Variants in MMP26 observed in about 807,000 individuals in gnomAD.
The protein encoded by MMP26 is matrix metallopeptidase 26.
A neutral mutation model predicts 31.0 loss-of-function variants in MMP26; 33 were observed. That is an observed-to-expected ratio of 1.06 (90% CI 0.81 to 1.42). The LOEUF is 1.42. Among genes scored for constraint, MMP26 ranks in the 40% most tolerant of loss-of-function variants. The pLI, the probability that MMP26 is intolerant of heterozygous loss-of-function variation, is 0.00. For synonymous variants in MMP26, 122 were observed against 114.9 expected, an observed-to-expected ratio of 1.06 and a Z score of -0.40; for missense variants, 347 against 316.1, an observed-to-expected ratio of 1.10 and a Z score of -0.74.
rs75481742 is a variant in MMP26, at chr11:4,707,972, T to A, written c.-217+2927T>A. On this transcript the variant is annotated intron_variant, in intron 1 of 7. Coordinates refer to ENST00000380390, the MANE Select transcript of MMP26 (RefSeq NM_021801.5). ...TTCTGGTCTTTTCTTTAAATACTGC[T>A]GTTCCCCAGCACTCTGTCCTCAGAC... Among the ~76,000 whole-genome samples the A allele has an allele frequency of 2.6e-5, 4 of 152,340 alleles. No homozygotes were observed. The East Asian group carries it at 7.7e-4, about 29-fold the overall frequency.
At chr11:4,958,676 C>T (rs534426885) in intron 2 of MMP26, among the ~76,000 whole-genome samples, 1 of 152,098 alleles carries the variant, frequency 6.6e-6, no homozygotes, top group South Asian at 2.1e-4. Flanking sequence ...TTTTCTCTAA[C>T]TTACCATCTA....
chr11:4,784,714 T>G (rs1250972365), intron 2 of MMP26, among the ~76,000 whole-genome samples: 1 of 152,342 alleles, frequency 6.6e-6, no homozygotes, highest in Admixed American at 6.5e-5. Flanking sequence ...ACAGAGATGG[T>G]ACATTTGATT....
At chr11:4,935,891 G>A (rs1413501772) in intron 2 of MMP26, among the ~76,000 whole-genome samples, 21 of 145,004 alleles carry the variant, frequency 1.4e-4, no homozygotes, top group Admixed American at 7.0e-4. Flanking sequence ...ATTGATTTGC[G>A]TATATTGAAC....
chr11:4,859,937 C>G, intron 2 of MMP26: 2 of 471,006 alleles, frequency 4.2e-6, no homozygotes, highest in Non-Finnish European at 8.8e-6. Context: ...ACATCGAGCC[C>G]CAGTGTGAAG....
chr11:4,945,505 A>G (rs1371783950), intron 2 of MMP26: 3 of 153,548 alleles, frequency 2.0e-5, no homozygotes, highest in African/African-American at 4.8e-5. Flanking sequence ...AGAGACACTT[A>G]CACATTCAAT....
Position 4,989,828 on chromosome 11 carries a change from C to T in MMP26, c.280C>T (p.Pro94Ser), listed in dbSNP as rs1846968809. The stretch of plus-strand genomic sequence containing the variant: ...TGATGGGTCCGACACCTCCATCTCG[C>T]CAGGAAGATGCAAGTGGAATAAGCA... Reference protein sequence around the residue: ...VPDGSDTSISPGRCKWNKHTL... With the variant: ...VPDGSDTSISSGRCKWNKHTL... Residue 94 changes from proline to serine, a missense_variant, in exon 4 of 8, where the codon CCA becomes TCA. Pro to Ser is a moderately conservative substitution (Grantham distance 74). Coordinates refer to ENST00000380390, the MANE Select transcript of MMP26 (RefSeq NM_021801.5). 2 of 1,612,354 alleles carry T rather than the reference C, an allele frequency of 1.2e-6. No individual in the cohort carries two copies. The highest frequency in any genetic ancestry group is 1.7e-6 in the Non-Finnish European group (2 of 1,180,010).
chr11:4,862,857 C>A (rs955048950), intron 2 of MMP26, among the ~76,000 whole-genome samples: 1 of 152,044 alleles, frequency 6.6e-6, no homozygotes, highest in African/African-American at 2.4e-5. Context: ...AAATTTGGGC[C>A]CCTCCCTCCC....
intron 2 of MMP26, among the ~76,000 whole-genome samples, chr11:4,771,102 A>T (rs1293484332): frequency 6.6e-6 from 1 of 152,180 alleles, no homozygotes; most frequent in Non-Finnish European, 1.5e-5. Context: ...TGTCTAAAGA[A>T]GGGGTATCAG....
Position 4,991,303 on chromosome 11 carries a change from C to G in MMP26, c.470-68C>G, listed in dbSNP as rs576530234. ...CAGTATCCTAAGTCTCTGAGGCTTACTTAAGACTATTCTGGCCTTTGTTTC... is the reference window on the plus strand; with the variant it reads ...CAGTATCCTAAGTCTCTGAGGCTTAGTTAAGACTATTCTGGCCTTTGTTTC... On this transcript the variant is annotated intron_variant, in intron 5 of 7. Transcript: ENST00000380390. The G allele has an allele frequency of 9.7e-6, 15 of 1,548,818 alleles. No individual in the cohort carries two copies. In the African/African-American group the frequency reaches 2.0e-4, roughly 21 times the overall value.
chr11:4,882,581 C>T (rs149770343), intron 2 of MMP26: 1,171 of 1,613,902 alleles, frequency 7.3e-4, no homozygotes, highest in Admixed American at 1.5e-3. Flanking sequence ...CCGTACTGTT[C>T]TGGGCATTGT....
At chr11:4,878,074 T>C (rs1850408742) in intron 2 of MMP26, 1 of 152,186 alleles carries the variant, frequency 6.6e-6, no homozygotes, top group Non-Finnish European at 1.5e-5. Flanking sequence ...CTGGCAAGCA[T>C]TGATTGGCAA....
At chr11:4,878,338 A>G (rs1850412852) in intron 2 of MMP26, among the ~76,000 whole-genome samples, 1 of 152,118 alleles carries the variant, frequency 6.6e-6, no homozygotes, top group Non-Finnish European at 1.5e-5. Flanking sequence ...AACATAGAAC[A>G]TTTATTTTCT....
At chr11:4,873,171 G>T (rs1386783290) in intron 2 of MMP26, among the ~76,000 whole-genome samples, 1 of 152,044 alleles carries the variant, frequency 6.6e-6, no homozygotes, top group South Asian at 2.1e-4. Flanking sequence ...TAAGGAATCA[G>T]GGGCCTCGTT....
At chr11:4,806,956 C>A (rs1256310536) in intron 2 of MMP26, among the ~76,000 whole-genome samples, 1 of 152,072 alleles carries the variant, frequency 6.6e-6, no homozygotes, top group Non-Finnish European at 1.5e-5. Context: ...GGACAGTCCC[C>A]CAGCTTCAGG....
intron 2 of MMP26, among the ~76,000 whole-genome samples, chr11:4,897,433 C>T (rs538637261): frequency 1.3e-5 from 2 of 152,244 alleles, no homozygotes; most frequent in South Asian, 2.1e-4. Context: ...CCATCATGCC[C>T]GGCCTATATT....
chr11:4,819,934 G>A (rs1452898165), intron 2 of MMP26, among the ~76,000 whole-genome samples: 1 of 151,986 alleles, frequency 6.6e-6, no homozygotes, highest in East Asian at 1.9e-4. Context: ...GATATAGCCT[G>A]GATACCTGAT....
intron 2 of MMP26, among the ~76,000 whole-genome samples, chr11:4,861,070 TATATATCATATATACTTCC>T (rs1478618269): frequency 6.7e-6 from 1 of 149,664 alleles, no homozygotes; most frequent in Non-Finnish European, 1.5e-5. Context: ...TATATATATA[TATATATCATATATACTTCC>T]ATATATATCA....
At chr11:4,814,991 G>A (rs754751804) in intron 2 of MMP26, among the ~76,000 whole-genome samples, 1 of 152,106 alleles carries the variant, frequency 6.6e-6, no homozygotes, top group Non-Finnish European at 1.5e-5. Flanking sequence ...TTTTAGGAAG[G>A]CATGAGACAT....
intron 2 of MMP26, among the ~76,000 whole-genome samples, chr11:4,986,741 C>A (rs1248262427): frequency 6.6e-6 from 1 of 151,220 alleles, no homozygotes; most frequent in Non-Finnish European, 1.5e-5. Context: ...CTATGTTGGC[C>A]GGGCTGGTCT....
Sources: gnomAD v4.1 joint callset for allele counts (sites outside exome capture counted in the v4.1 genomes callset) on GRCh38, gnomAD v4.1.1 for gene constraint, MANE v1.5 for transcripts, NCBI Gene and HGNC (gene_info 2026-07-23, HGNC 2026-07-21) for gene names.